The following VAV3 variants were observed in gnomAD, a reference collection of about 807,000 sequenced individuals.
VAV3 encodes the protein vav guanine nucleotide exchange factor 3.
In VAV3, 94 loss-of-function variants were observed where a neutral mutation model predicts 131.2. The observed-to-expected ratio is 0.72, with a 90% CI of 0.61 to 0.85. The LOEUF (loss-of-function observed/expected upper bound fraction) is 0.85, where lower values mean the gene tolerates loss of function less well. Among genes scored for constraint, VAV3 ranks in the 40% least tolerant of loss-of-function variants. The pLI is 0.00. For synonymous variants in VAV3, 349 were observed against 342.0 expected (o/e 1.02, Z -0.22); for missense variants, 939 against 1,002.7 (o/e 0.94, Z 0.86).
chr1:107,666,206 T>C lies in VAV3; in HGVS notation c.1777+17282A>G, dbSNP rs187623903. 3.0e-3 allele frequency among the ~76,000 whole-genome samples: 455 copies of C among 152,232 alleles called. 3 individuals carry two copies. The highest frequency in any genetic ancestry group is 0.01 in the African/African-American group (418 of 41,546). On this transcript the variant is annotated intron_variant, in intron 19 of 26. Coordinates refer to ENST00000370056, the MANE Select transcript of VAV3 (RefSeq NM_006113.5). Reference sequence around the variant, plus strand: ...GAAATCATGAAATCCAACCCACCAATTGTCAAGAGTAAAATAATGTCCAGA... The same window carrying C: ...GAAATCATGAAATCCAACCCACCAACTGTCAAGAGTAAAATAATGTCCAGA...
chr1:107,755,901 A>G (rs1244001677), intron 11 of VAV3, among the ~76,000 whole-genome samples: 1 of 152,256 alleles, frequency 6.6e-6, no homozygotes. Flanking sequence ...AAGGGCAATC[A>G]TGAACGATTA....
chr1:107,889,132 AGTGTGTGTGTGTGT>A (rs5776903), intron 1 of VAV3, among the ~76,000 whole-genome samples: 4 of 141,926 alleles, frequency 2.8e-5, no homozygotes, highest in South Asian at 4.7e-4. Context: ...TCCTGTGTAG[AGTGTGTGTGTGTGT>A]GTGTGTGTGT....
At chr1:107,576,423 A>T (rs888196405) in intron 25 of VAV3, 77 of 1,525,890 alleles carry the variant, frequency 5.0e-5, no homozygotes, top group Non-Finnish European at 6.5e-5. Context: ...AAGGGGGAAC[A>T]AAGCTGTAGT....
intron 2 of VAV3, among the ~76,000 whole-genome samples, chr1:107,779,746 T>C (rs1665583488): frequency 6.6e-6 from 1 of 152,192 alleles, no homozygotes; most frequent in South Asian, 2.1e-4. Flanking sequence ...TTGCAGATTC[T>C]ATATCAGTAT....
intron 1 of VAV3, among the ~76,000 whole-genome samples, chr1:107,958,324 T>C (rs1359488772): frequency 6.6e-6 from 1 of 152,194 alleles, no homozygotes; most frequent in Non-Finnish European, 1.5e-5. Context: ...TGTGTAGACA[T>C]GTATTTGGAA....
intron 15 of VAV3, among the ~76,000 whole-genome samples, chr1:107,736,959 A>T (rs1024939419): frequency 5.3e-5 from 8 of 152,220 alleles, no homozygotes; most frequent in African/African-American, 1.9e-4. Flanking sequence ...AAGCTATCCT[A>T]CAAGGCTACA....
At chr1:107,871,043 A>C (rs569784833) in intron 2 of VAV3, among the ~76,000 whole-genome samples, 214 of 152,318 alleles carry the variant, frequency 1.4e-3, no homozygotes, top group African/African-American at 5.0e-3. Flanking sequence ...AACATTTCCA[A>C]AGAGTGAGTT....
At chr1:107,909,120 T>C (rs1672249017) in intron 1 of VAV3, among the ~76,000 whole-genome samples, 1 of 152,192 alleles carries the variant, frequency 6.6e-6, no homozygotes, top group Non-Finnish European at 1.5e-5. Flanking sequence ...AATTCATGTG[T>C]TGCCTTTTAT....
chr1:107,621,275 T>C (rs774110006), intron 20 of VAV3, among the ~76,000 whole-genome samples: 11 of 152,090 alleles, frequency 7.2e-5, no homozygotes, highest in Non-Finnish European at 1.3e-4. Flanking sequence ...TGAGAGATAA[T>C]TTAACCTATT....
At chr1:107,614,819 T>C (rs551894550) in intron 21 of VAV3, among the ~76,000 whole-genome samples, 1 of 152,272 alleles carries the variant, frequency 6.6e-6, no homozygotes, top group African/African-American at 2.4e-5. Context: ...CTTCAAGTGC[T>C]CATCTTTATG....
intron 24 of VAV3, among the ~76,000 whole-genome samples, chr1:107,598,160 C>T (rs987921887): frequency 1.3e-5 from 2 of 152,136 alleles, no homozygotes; most frequent in East Asian, 1.9e-4. Context: ...TTGAGACCAA[C>T]GTGGCCAACA....
chr1:107,597,947 A>T (rs373405433), intron 24 of VAV3, among the ~76,000 whole-genome samples: 3 of 152,180 alleles, frequency 2.0e-5, no homozygotes, highest in Non-Finnish European at 4.4e-5. Context: ...TTGAAGCTCA[A>T]ATATCAGTGA....
chr1:107,755,036 C>T (rs971875023), intron 12 of VAV3, among the ~76,000 whole-genome samples: 2 of 151,922 alleles, frequency 1.3e-5, no homozygotes, highest in Admixed American at 1.3e-4. Flanking sequence ...TTCACAGTTA[C>T]AGTCCCAGCC....
chr1:107,625,009 G>A (rs1301791196), intron 20 of VAV3, among the ~76,000 whole-genome samples: 1 of 152,056 alleles, frequency 6.6e-6, no homozygotes, highest in Non-Finnish European at 1.5e-5. Flanking sequence ...GGGAGCCTGG[G>A]TTTTATTTTT....
At chr1:107,735,847 C>A (rs1662588206) in intron 15 of VAV3, among the ~76,000 whole-genome samples, 1 of 152,188 alleles carries the variant, frequency 6.6e-6, no homozygotes, top group Non-Finnish European at 1.5e-5. Flanking sequence ...CTCCCTAACT[C>A]ATTTTATGAG....
chr1:107,744,011 G>A (rs79384734), intron 15 of VAV3, among the ~76,000 whole-genome samples: 2,214 of 152,240 alleles, frequency 0.015, 53 homozygotes, highest in African/African-American at 0.051. Context: ...TGTGATTTGT[G>A]GAGCTTAACG....
chr1:107,753,536 A>ATG (rs745642760), intron 12 of VAV3, among the ~76,000 whole-genome samples: 13 of 94,942 alleles, frequency 1.4e-4, no homozygotes, highest in Non-Finnish European at 2.0e-4. Flanking sequence ...ACGTATATAT[A>ATG]TATATATATA....
intron 2 of VAV3, among the ~76,000 whole-genome samples, chr1:107,873,405 C>T (rs1227040336): frequency 3.3e-5 from 5 of 151,976 alleles, no homozygotes; most frequent in African/African-American, 1.2e-4. Context: ...TTTTTCATTT[C>T]CCCAATTCAT....
chr1:107,882,070 T>G (rs1157474564), intron 1 of VAV3, among the ~76,000 whole-genome samples: 2 of 152,130 alleles, frequency 1.3e-5, no homozygotes, highest in East Asian at 3.9e-4. Flanking sequence ...TCTCCAAAGT[T>G]GCTAGGAATA....
Sources: allele counts gnomAD v4.1 joint callset (sites outside exome capture counted in the v4.1 genomes callset), GRCh38; gene constraint gnomAD v4.1.1; transcripts MANE v1.5; gene names NCBI Gene and HGNC (gene_info 2026-07-23, HGNC 2026-07-21).